Variants in FAM24B observed in about 807,000 individuals in gnomAD.
The protein encoded by FAM24B is family with sequence similarity 24 member B.
In FAM24B, 3 loss-of-function variants were observed where a neutral mutation model predicts 2.3. The ratio of observed to expected loss-of-function variants is 1.29; its 90% CI spans 0.59 to 3.32. FAM24B has a LOEUF of 3.32. FAM24B is among the 30% of genes most tolerant of loss of function. The pLI is 0.03. For missense variants in FAM24B, 98 were observed against 117.2 expected (o/e 0.84, Z 0.76); for synonymous variants, 36 against 46.3 (o/e 0.78, Z 0.90).
chr10:122,878,867 A>T (rs986722363), intron 1 of FAM24B, among the ~76,000 whole-genome samples: 8 of 151,848 alleles, frequency 5.3e-5, no homozygotes, highest in African/African-American at 1.9e-4. Context: ...AATCCAGCTT[A>T]TAGTATTGAT....
chr10:122,865,377 A>C (rs1472515416), intron 1 of FAM24B, among the ~76,000 whole-genome samples: 1 of 151,950 alleles, frequency 6.6e-6, no homozygotes, highest in Non-Finnish European at 1.5e-5. Flanking sequence ...TATGATTTTT[A>C]TTCTTTTATT....
At chr10:122,872,406 T>C (rs1364309990) in intron 1 of FAM24B, among the ~76,000 whole-genome samples, 1 of 152,196 alleles carries the variant, frequency 6.6e-6, no homozygotes, top group Non-Finnish European at 1.5e-5. Context: ...GAAGTAGAAA[T>C]ACCATTTGAC....
chr10:122,864,561 A>T (rs1305982568), intron 1 of FAM24B, among the ~76,000 whole-genome samples: 1 of 152,226 alleles, frequency 6.6e-6, no homozygotes, highest in African/African-American at 2.4e-5. Context: ...AATTAATGGG[A>T]CAATATTAAT....
chr10:122,850,585 C>T lies in FAM24B; in HGVS notation c.-35-35G>A, dbSNP rs141605986. 1.2e-4 allele frequency: 130 copies of T among 1,074,154 alleles called. No homozygotes were observed. In the African/African-American group the frequency reaches 1.7e-3, roughly 14 times the overall value. 66.5% of individuals were successfully genotyped at this position (1,074,154 alleles called of 1,614,324 possible). On this transcript the variant is annotated intron_variant, in intron 2 of 3. Transcript: ENST00000368898. ...TAAGTGCAAGCAAGCACTGAGCCCA[C>T]GTGGTCTCCCTCCCCACACAACCAC... is the stretch of plus-strand genomic sequence containing the variant.
chr10:122,863,160 A>G (rs998979492), intron 1 of FAM24B, among the ~76,000 whole-genome samples: 1 of 152,184 alleles, frequency 6.6e-6, no homozygotes, highest in African/African-American at 2.4e-5. Context: ...ATCTCTGTGG[A>G]AAGAATTCAG....
At chr10:122,861,249 C>T (rs1233561057) in intron 1 of FAM24B, among the ~76,000 whole-genome samples, 2 of 152,142 alleles carry the variant, frequency 1.3e-5, no homozygotes, top group Admixed American at 1.3e-4. Context: ...GAACATCCAA[C>T]TGGTTTACAA....
chr10:122,878,981 C>T (rs1165593959), intron 1 of FAM24B, among the ~76,000 whole-genome samples: 1 of 152,084 alleles, frequency 6.6e-6, no homozygotes, highest in Non-Finnish European at 1.5e-5. Context: ...CTACAATGGG[C>T]TGGGCATAAA....
chr10:122,876,132 C>A, intron 1 of FAM24B, among the ~76,000 whole-genome samples: 1 of 152,234 alleles, frequency 6.6e-6, no homozygotes, highest in Non-Finnish European at 1.5e-5. Flanking sequence ...ACTTTTACTT[C>A]CTTTTGTTCC....
At chr10:122,878,500 C>A (rs375772689) in intron 1 of FAM24B, among the ~76,000 whole-genome samples, 2 of 151,950 alleles carry the variant, frequency 1.3e-5, no homozygotes, top group Non-Finnish European at 2.9e-5. Flanking sequence ...CCACTGTACT[C>A]CAGCCTGGGT....
intron 1 of FAM24B, 136 bp downstream of exon 1, chr10:122,879,349 C>T (rs1006406987): frequency 1.3e-5 from 2 of 152,284 alleles, no homozygotes; most frequent in African/African-American, 2.4e-5. Flanking sequence ...ATGGACAGCG[C>T]TTCCGCCGCG....
chr10:122,857,838 G>C (rs944676127), intron 1 of FAM24B, among the ~76,000 whole-genome samples: 1 of 152,164 alleles, frequency 6.6e-6, no homozygotes, highest in African/African-American at 2.4e-5. Flanking sequence ...GCTTTGAAAA[G>C]GAACAAAAGA....
At chr10:122,850,725 GA>G in intron 2 of FAM24B, 175 bp from the exon 3 acceptor site, 2 of 483,864 alleles carry the variant, frequency 4.1e-6, no homozygotes, top group Non-Finnish European at 7.4e-6. Flanking sequence ...CCCAGAGATG[GA>G]AAAAAAGAAA....
rs148182410 is a variant in FAM24B, at chr10:122,859,982, C to G, written c.-177-4196G>C. ...CTGAGAGCCATCAGCTGCCAACACT[C>G]CCGGCAGCTTGTATTTTGTCCTGGC... is the stretch of plus-strand genomic sequence containing the variant. On this transcript the variant is annotated intron_variant, in intron 1 of 3. Coordinates refer to ENST00000368898, the MANE Select transcript of FAM24B (RefSeq NM_152644.3). 7.2e-5 allele frequency among the ~76,000 whole-genome samples: 11 copies of G among 152,226 alleles called. No homozygotes were observed. In the East Asian group the frequency reaches 2.1e-3, roughly 29 times the overall value.
At chr10:122,854,293 AC>A (rs1248289929) in intron 2 of FAM24B, among the ~76,000 whole-genome samples, 1 of 152,232 alleles carries the variant, frequency 6.6e-6, no homozygotes, top group Non-Finnish European at 1.5e-5. Context: ...GGAGGCAACA[AC>A]TAAAACCTCT....
intron 1 of FAM24B, among the ~76,000 whole-genome samples, chr10:122,865,839 G>A (rs1281609098): frequency 1.3e-5 from 2 of 150,058 alleles, no homozygotes; most frequent in Non-Finnish European, 3.0e-5. Flanking sequence ...CTAAGTTTGG[G>A]TACATTGTAT....
At chr10:122,860,619 T>C (rs1415352167) in intron 1 of FAM24B, among the ~76,000 whole-genome samples, 2 of 152,242 alleles carry the variant, frequency 1.3e-5, no homozygotes, top group Non-Finnish European at 1.5e-5. Flanking sequence ...CTTGTATCAT[T>C]TTTTATTCTC....
intron 1 of FAM24B, among the ~76,000 whole-genome samples, chr10:122,870,841 C>G (rs1847884796): frequency 6.6e-6 from 1 of 152,266 alleles, no homozygotes; most frequent in Non-Finnish European, 1.5e-5. Flanking sequence ...ACTGAATGGA[C>G]AAAAACTGGA....
intron 3 of FAM24B, among the ~76,000 whole-genome samples, chr10:122,850,044 C>T (rs1042071656): frequency 2.0e-5 from 3 of 152,112 alleles, no homozygotes; most frequent in East Asian, 1.9e-4. Context: ...AGGCAGAGCT[C>T]GTTCATGCAG....
chr10:122,857,955 T>C (rs922008835), intron 1 of FAM24B, among the ~76,000 whole-genome samples: 1 of 152,242 alleles, frequency 6.6e-6, no homozygotes, highest in African/African-American at 2.4e-5. Context: ...TGGCTCTGAA[T>C]GCTCTGACGA....
Sources: gnomAD v4.1 joint callset for allele counts (sites outside exome capture counted in the v4.1 genomes callset) on GRCh38, gnomAD v4.1.1 for gene constraint, MANE v1.5 for transcripts, NCBI Gene and HGNC (gene_info 2026-07-23, HGNC 2026-07-21) for gene names.